HIVEP2: variants seen among roughly 807,000 people sequenced by gnomAD.
The protein encoded by HIVEP2 is transcription factor HIVEP2.
A neutral mutation model predicts 180.7 loss-of-function variants in HIVEP2; 14 were observed. That is an observed-to-expected ratio of 0.08 (90% CI 0.05 to 0.12). HIVEP2 has a LOEUF of 0.12. Among genes scored for constraint, HIVEP2 ranks in the 10% least tolerant of loss-of-function variants. HIVEP2 has a pLI of 1.00. For missense variants in HIVEP2, 2,579 were observed against 3,008.5 expected (o/e 0.86, Z 3.34); for synonymous variants, 1,184 against 1,136.4 (o/e 1.04, Z -0.84).
chr6:142,811,200 T>TGA (rs371157476), intron 2 of HIVEP2, among the ~76,000 whole-genome samples: 18,949 of 151,564 alleles, frequency 0.13, 1,410 homozygotes, highest in Middle Eastern at 0.2. Flanking sequence ...TGTGTGTGTG[T>TGA]GAGAGAGACA....
At chr6:142,804,971 C>T (rs766599578) in intron 2 of HIVEP2, among the ~76,000 whole-genome samples, 7 of 152,128 alleles carry the variant, frequency 4.6e-5, no homozygotes, top group Non-Finnish European at 1.0e-4. Flanking sequence ...CAAATTTTAG[C>T]CTTTGCTCCC....
intron 9 of HIVEP2, among the ~76,000 whole-genome samples, chr6:142,755,557 T>C (rs889491431): frequency 6.6e-5 from 10 of 152,276 alleles, no homozygotes; most frequent in South Asian, 2.1e-4. Context: ...ATGACCTCCA[T>C]TGCATACAAC....
At chr6:142,834,797 C>A (rs1457521614) in intron 2 of HIVEP2, among the ~76,000 whole-genome samples, 2 of 151,814 alleles carry the variant, frequency 1.3e-5, no homozygotes, top group African/African-American at 4.8e-5. Flanking sequence ...AGGAGTTGGG[C>A]ACATTTTTAA....
At chr6:142,903,899 T>G (rs541437735) in intron 1 of HIVEP2, among the ~76,000 whole-genome samples, 1 of 152,140 alleles carries the variant, frequency 6.6e-6, no homozygotes, top group African/African-American at 2.4e-5. Context: ...TCCATCTTAG[T>G]AGCAATTTGA....
At chr6:142,785,380 C>T (rs990270688) in intron 2 of HIVEP2, among the ~76,000 whole-genome samples, 7 of 142,308 alleles carry the variant, frequency 4.9e-5, no homozygotes, top group Admixed American at 3.6e-4. Context: ...ATTTTGTACT[C>T]CAAGCAAAAT....
intron 1 of HIVEP2, among the ~76,000 whole-genome samples, chr6:142,848,064 C>T (rs2114916183): frequency 6.6e-6 from 1 of 152,312 alleles, no homozygotes; most frequent in East Asian, 1.9e-4. Context: ...AACGGATTAT[C>T]CCATGGTAAC....
intron 1 of HIVEP2, among the ~76,000 whole-genome samples, chr6:142,920,438 G>T (rs1055733490): frequency 3.9e-5 from 6 of 152,142 alleles, no homozygotes; most frequent in African/African-American, 1.4e-4. Context: ...ATGTATTAAA[G>T]ACCTCCTCTC....
intron 7 of HIVEP2, 74 bp from the exon 8 acceptor site, chr6:142,761,639 T>A: frequency 1.2e-6 from 1 of 843,202 alleles, no homozygotes; most frequent in Non-Finnish European, 2.0e-6. Flanking sequence ...CTGCTCCAAA[T>A]TCAATGTGAA....
At chr6:142,828,079 A>G (rs139345870) in intron 2 of HIVEP2, among the ~76,000 whole-genome samples, 2 of 152,160 alleles carry the variant, frequency 1.3e-5, no homozygotes, top group Non-Finnish European at 2.9e-5. Flanking sequence ...CCTTTCTTAG[A>G]TCACAACATT....
chr6:142,873,981 C>T (rs771306849), intron 1 of HIVEP2, among the ~76,000 whole-genome samples: 58 of 152,112 alleles, frequency 3.8e-4, no homozygotes, highest in Non-Finnish European at 7.8e-4. Context: ...AATGGGAGGA[C>T]ACACCATACT....
rs769960301 is a variant in HIVEP2 at position 142,760,103 on chromosome 6, C to T, written c.6185G>A (p.Arg2062Lys). 2 of 1,614,072 alleles carry T rather than the reference C, an allele frequency of 1.2e-6. No homozygotes were observed. Among genetic ancestry groups the T allele is most frequent in the Non-Finnish European group, 1.7e-6 (2 of 1,179,998 alleles). The stretch of plus-strand genomic sequence containing the variant: ...TAAATCTCCTTTGGGTATCAGATAC[C>T]TCTTTGGTGAATTATCTCGACAGGG... ...SSPCRDNSPK[R>K]YLIPKGDLSP... Residue 2062 changes from arginine to lysine, a missense_variant, in exon 9 of 10, where the codon AGG becomes AAG. By Grantham distance (26) the Arg-to-Lys change is conservative. Transcript: ENST00000367603.
At position 142,753,202 on chromosome 6, in the gene HIVEP2, C is replaced by A. The variant is rs1774965574; in HGVS notation, c.7246G>T (p.Asp2416Tyr). 1 of 1,613,770 alleles carries A rather than the reference C, an allele frequency of 6.2e-7. No individual in the cohort carries two copies. Among genetic ancestry groups the A allele is most frequent in the Non-Finnish European group, 8.5e-7 (1 of 1,179,750 alleles). ...CTGTGAAAGTCCAACTGCTTGTCAT[C>A]CACACAACTCTTGCTGTAAAACGTG... ...HSTFYSKSCV[D>Y]DKQLDFHSSK... The change falls in exon 10 of 10, where the codon GAT becomes TAT. Residue 2416 changes from aspartate to tyrosine, a missense_variant. Asp to Tyr is a radical substitution (Grantham distance 160). Around this residue, in one of 11 missense-constraint regions of HIVEP2, gnomAD observed 660 missense variants for 731.7 expected, o/e 0.90. Coordinates refer to ENST00000367603, the MANE Select transcript of HIVEP2 (RefSeq NM_006734.4).
chr6:142,828,162 C>T (rs1483302817), intron 2 of HIVEP2, among the ~76,000 whole-genome samples: 4 of 152,186 alleles, frequency 2.6e-5, no homozygotes, highest in Non-Finnish European at 5.9e-5. Context: ...ATCTGACATA[C>T]CCTAGGCACT....
intron 1 of HIVEP2, among the ~76,000 whole-genome samples, chr6:142,885,954 GC>G (rs557223482): frequency 1.1e-3 from 173 of 152,240 alleles, no homozygotes; most frequent in African/African-American, 4.0e-3. Context: ...AAGAAATACA[GC>G]CTTACTTGCT....
chr6:142,882,774 G>T (rs918147434), intron 1 of HIVEP2, among the ~76,000 whole-genome samples: 2 of 152,022 alleles, frequency 1.3e-5, no homozygotes, highest in African/African-American at 4.8e-5. Context: ...TTTACATAAC[G>T]CTGGCGTAAT....
At position 142,753,659 on chromosome 6, in the gene HIVEP2, C is replaced by T. The variant is rs1192127676; in HGVS notation, c.6789G>A (p.Lys2263=). The T allele has an allele frequency of 2.5e-6, 4 of 1,614,068 alleles. No homozygotes were observed. The African/African-American group carries it at 5.3e-5, about 22-fold the overall frequency. ...LPLPMEGFEE[K]KGASGESFSK... is the part of the protein sequence containing the mutation. ...AGAAGGACTCCCCTGACGCGCCTTT[C>T]TTCTCCTCAAAGCCCTCCATTGGCA... The change falls in exon 10 of 10, where the codon AAG becomes AAA. Residue 2263 remains lysine, a synonymous_variant. Coordinates refer to ENST00000367603, the MANE Select transcript of HIVEP2 (RefSeq NM_006734.4).
intron 2 of HIVEP2, among the ~76,000 whole-genome samples, chr6:142,815,559 C>A (rs1776811929): frequency 1.3e-5 from 2 of 152,060 alleles, no homozygotes; most frequent in Admixed American, 1.3e-4. Context: ...AGGTAAAGAA[C>A]TTGACATTTC....
At chr6:142,852,547 G>A (rs991679176) in intron 1 of HIVEP2, among the ~76,000 whole-genome samples, 1 of 152,116 alleles carries the variant, frequency 6.6e-6, no homozygotes, top group Non-Finnish European at 1.5e-5. Flanking sequence ...TAAAACTTGG[G>A]AGCTAAGTAT....
chr6:142,856,468 T>C (rs547119532), intron 1 of HIVEP2, among the ~76,000 whole-genome samples: 1 of 152,328 alleles, frequency 6.6e-6, no homozygotes, highest in South Asian at 2.1e-4. Flanking sequence ...ACCGATGTGC[T>C]ACAGAAATCA....
Sources: gnomAD v4.1 joint callset for allele counts (sites outside exome capture counted in the v4.1 genomes callset) on GRCh38, gnomAD v4.1.1 for gene constraint, gnomAD v4.1.1 regional missense constraint, MANE v1.5 for transcripts, NCBI Gene and HGNC (gene_info 2026-07-23, HGNC 2026-07-21) for gene names.